The following CAST variants were observed in gnomAD, a reference collection of about 807,000 sequenced individuals.
CAST encodes the protein calpastatin.
A neutral mutation model predicts 119.6 loss-of-function variants in CAST; 76 were observed. The observed-to-expected ratio is 0.64, with a 90% CI of 0.53 to 0.77. The LOEUF (loss-of-function observed/expected upper bound fraction) is 0.77, where lower values mean the gene tolerates loss of function less well. Ranked by LOEUF, CAST falls within the 30% of genes least tolerant of loss-of-function variation. CAST has a pLI of 0.00. For synonymous variants in CAST, 319 were observed against 331.6 expected, an observed-to-expected ratio of 0.96 and a Z score of 0.41; for missense variants, 953 against 946.5, an observed-to-expected ratio of 1.01 and a Z score of -0.09.
chr5:96,023,711 G>C, the CAST span, among the ~76,000 whole-genome samples: 1 of 151,884 alleles, frequency 6.6e-6, no homozygotes, highest in South Asian at 2.1e-4. Context: ...ATGGGTCATG[G>C]AAAAATTTAA....
chr5:96,707,670 T>A (rs58429175), intron 3 of CAST, among the ~76,000 whole-genome samples: 4,062 of 152,240 alleles, frequency 0.027, 184 homozygotes, highest in African/African-American at 0.092. Flanking sequence ...CTAAACCAAC[T>A]GATGTTCATG....
the CAST span, among the ~76,000 whole-genome samples, chr5:96,228,251 T>A: frequency 6.6e-6 from 1 of 152,198 alleles, no homozygotes; most frequent in Non-Finnish European, 1.5e-5. Flanking sequence ...TTTCTTTCTG[T>A]GTGAGACAAT....
At chr5:96,275,173 C>G in the CAST span, among the ~76,000 whole-genome samples, 2 of 152,186 alleles carry the variant, frequency 1.3e-5, no homozygotes, top group Non-Finnish European at 2.9e-5. Flanking sequence ...GTCTGGGGCT[C>G]TTGCTTGTTT....
the CAST span, among the ~76,000 whole-genome samples, chr5:96,233,403 A>G: frequency 6.6e-6 from 1 of 152,122 alleles, no homozygotes; most frequent in Non-Finnish European, 1.5e-5. Context: ...GAGTAATATT[A>G]ACATGTTAGG....
the CAST span, among the ~76,000 whole-genome samples, chr5:96,305,949 A>G: frequency 3.3e-3 from 499 of 152,342 alleles, 6 homozygotes; most frequent in African/African-American, 0.011. Flanking sequence ...TTTTGGTATC[A>G]GGATGATACT....
At chr5:96,312,947 T>C in the CAST span, among the ~76,000 whole-genome samples, 1 of 152,104 alleles carries the variant, frequency 6.6e-6, no homozygotes, top group African/African-American at 2.4e-5. Context: ...AGACGAGACA[T>C]TTGTTCATTA....
chr5:96,771,666 CA>C lies in CAST; in HGVS notation c.2367del (p.Asp790MetfsTer15). The stretch of plus-strand genomic sequence containing the variant: ...TAGACAACAGAGGAAACTTCCAAGC[CA>C]AAAGATGACTAAAGAAATACAAGTT... ...SAKTTEETSK[P>X]KDD On this transcript the variant is annotated frameshift_variant, in exon 31 of 32. Transcript: ENST00000675179. LOFTEE classifies it high-confidence loss of function. 1 of 1,611,498 alleles carries C rather than the reference CA, an allele frequency of 6.2e-7. No individual in the cohort carries two copies. Among genetic ancestry groups the C allele is most frequent in the African/African-American group, 1.3e-5 (1 of 74,892 alleles).
At chr5:96,426,069 AC>A in the CAST span, 1 of 683,716 alleles carries the variant, frequency 1.5e-6, no homozygotes, top group Non-Finnish European at 2.7e-6. Flanking sequence ...TTAAACTGGC[AC>A]CTCAGTGAGA....
chr5:96,533,208 T>A (rs1214196752), intron 1 of CAST, among the ~76,000 whole-genome samples: 2 of 152,150 alleles, frequency 1.3e-5, no homozygotes, highest in South Asian at 4.1e-4. Flanking sequence ...CTTTTATATA[T>A]GCAAGGACTC....
At chr5:96,024,836 G>A in the CAST span, among the ~76,000 whole-genome samples, 1 of 151,958 alleles carries the variant, frequency 6.6e-6, no homozygotes, top group Non-Finnish European at 1.5e-5. Flanking sequence ...ACAAAATCAG[G>A]GTGTCCAACG....
At chr5:96,182,140 C>T in the CAST span, among the ~76,000 whole-genome samples, 1 of 152,298 alleles carries the variant, frequency 6.6e-6, no homozygotes, top group South Asian at 2.1e-4. Context: ...TTATAAGTTT[C>T]TGTCTCTTTT....
At chr5:96,102,442 C>A in the CAST span, among the ~76,000 whole-genome samples, 1 of 152,078 alleles carries the variant, frequency 6.6e-6, no homozygotes, top group East Asian at 1.9e-4. Context: ...AGTCTGGGGT[C>A]TTTATAGGCA....
chr5:96,762,686 C>T (rs865911574), intron 25 of CAST: 1 of 313,308 alleles, frequency 3.2e-6, no homozygotes, highest in Non-Finnish European at 5.8e-6. Flanking sequence ...TTGAAAAGTT[C>T]TTTAGCTTTC....
the CAST span, among the ~76,000 whole-genome samples, chr5:96,029,233 A>T: frequency 6.6e-6 from 1 of 152,270 alleles, no homozygotes; most frequent in African/African-American, 2.4e-5. Context: ...CAACTGAAAA[A>T]TTTTCAAATA....
At chr5:96,390,030 GTC>G in the CAST span, among the ~76,000 whole-genome samples, 1 of 152,162 alleles carries the variant, frequency 6.6e-6, no homozygotes, top group Non-Finnish European at 1.5e-5. Flanking sequence ...TGTAAACTAA[GTC>G]CTATTTGGTG....
chr5:96,583,297 G>A (rs934428668), intron 1 of CAST, among the ~76,000 whole-genome samples: 38 of 151,606 alleles, frequency 2.5e-4, no homozygotes, highest in Admixed American at 3.3e-4. Context: ...TTGGTAATAA[G>A]GTTTAATATG....
the CAST span, among the ~76,000 whole-genome samples, chr5:96,168,610 C>T: frequency 3.3e-5 from 5 of 152,044 alleles, no homozygotes; most frequent in South Asian, 6.2e-4. Flanking sequence ...TGGTGAGTGG[C>T]GATTAGGCCT....
chr5:96,496,411 G>C, the CAST span, among the ~76,000 whole-genome samples: 17 of 152,204 alleles, frequency 1.1e-4, no homozygotes, highest in African/African-American at 4.1e-4. Flanking sequence ...TAATTTTCTT[G>C]ATCAACCCTG....
chr5:96,726,841 G>GA lies in CAST; in HGVS notation c.324dup (p.His109ThrfsTer11), dbSNP rs1324899428. ...TGGAAGGACCACATCTTCCTAACAAGAAAAAACACAAAAAACAGGTGATGT... is the reference window on the plus strand; with the variant it reads ...TGGAAGGACCACATCTTCCTAACAAGAAAAAAACACAAAAAACAGGTGATGT... On this transcript the variant is annotated frameshift_variant, in exon 5 of 32. Transcript: ENST00000675179. LOFTEE classifies it high-confidence loss of function. 5 of 1,613,038 alleles carry GA rather than the reference G, an allele frequency of 3.1e-6. No homozygotes were observed. The highest frequency in any genetic ancestry group is 3.4e-6 in the Non-Finnish European group (4 of 1,179,362).
Sources: gnomAD v4.1 joint callset for allele counts (sites outside exome capture counted in the v4.1 genomes callset) on GRCh38, gnomAD v4.1.1 for gene constraint, MANE v1.5 for transcripts, NCBI Gene and HGNC (gene_info 2026-07-23, HGNC 2026-07-21) for gene names.